The following FBXO15 variants were observed in gnomAD, a reference collection of about 807,000 sequenced individuals.
The protein encoded by FBXO15 is F-box only protein 15.
Under a neutral mutation model 49.5 loss-of-function variants are expected in FBXO15, and 30 were observed. That is an observed-to-expected ratio of 0.61 (90% CI 0.45 to 0.82). The LOEUF (loss-of-function observed/expected upper bound fraction) is 0.82, where lower values mean the gene tolerates loss of function less well. Ranked by LOEUF, FBXO15 falls within the 40% of genes least tolerant of loss-of-function variation. The probability of loss-of-function intolerance (pLI) is 0.00; values close to 1 mark genes in which losing one functional copy is unlikely to be tolerated. For synonymous variants in FBXO15, 250 were observed against 232.7 expected, an observed-to-expected ratio of 1.07 and a Z score of -0.68; for missense variants, 591 against 631.5, an observed-to-expected ratio of 0.94 and a Z score of 0.69.
intron 3 of FBXO15, 84 bp from the exon 4 acceptor site, chr18:74,130,742 T>G: frequency 2.1e-6 from 3 of 1,406,726 alleles, no homozygotes; most frequent in Non-Finnish European, 2.9e-6. Context: ...GATGCATATT[T>G]TCAAATAATC....
chr18:74,111,918 C>T (rs1455671777), intron 8 of FBXO15, among the ~76,000 whole-genome samples: 1 of 152,004 alleles, frequency 6.6e-6, no homozygotes, highest in African/African-American at 2.4e-5. Flanking sequence ...CAAAGCAATG[C>T]CCACACATTT....
chr18:74,109,983 T>TA (rs897225828), intron 8 of FBXO15, among the ~76,000 whole-genome samples: 5 of 150,448 alleles, frequency 3.3e-5, no homozygotes, highest in African/African-American at 9.8e-5. Context: ...TATAATAATT[T>TA]AAAAAAAAGG....
intron 6 of FBXO15, among the ~76,000 whole-genome samples, chr18:74,124,854 T>C (rs1244230813): frequency 6.6e-6 from 1 of 152,210 alleles, no homozygotes; most frequent in Non-Finnish European, 1.5e-5. Flanking sequence ...AAAAGATATA[T>C]ATGATAGTTG....
intron 8 of FBXO15, among the ~76,000 whole-genome samples, chr18:74,086,401 GTC>G (rs1912738707): frequency 6.6e-6 from 1 of 152,134 alleles, no homozygotes; most frequent in Admixed American, 6.5e-5. Flanking sequence ...TTTCTATTGT[GTC>G]TTACAGAGTA....
chr18:74,124,290 C>T (rs1355180527), intron 7 of FBXO15, among the ~76,000 whole-genome samples, 199 bp downstream of exon 7: 5 of 152,180 alleles, frequency 3.3e-5, no homozygotes, highest in Admixed American at 3.3e-4. Context: ...AATTCCTTGA[C>T]CCAGAATAAA....
rs1385642718 is a variant in FBXO15 at position 74,075,945 on chromosome 18, T to C, written c.1264-2215A>G. Among the ~76,000 whole-genome samples the C allele has an allele frequency of 3.3e-5, 5 of 152,246 alleles. No individual in the cohort carries two copies. The highest frequency in any genetic ancestry group is 1.2e-4 in the African/African-American group (5 of 41,460). ...TTATCTCCAGGCCGAACTTCTTTTCTAAGTTCAAGACCTAAATATTCAAGT... is the reference window on the plus strand; with the variant it reads ...TTATCTCCAGGCCGAACTTCTTTTCCAAGTTCAAGACCTAAATATTCAAGT... On this transcript the variant is annotated intron_variant, in intron 9 of 9. Coordinates refer to ENST00000419743, the MANE Select transcript of FBXO15 (RefSeq NM_001142958.2). The surrounding 1 kb of genome is among the most constrained non-coding windows in gnomAD (Gnocchi z 4.1).
chr18:74,117,774 G>A (rs1044348150), intron 8 of FBXO15, among the ~76,000 whole-genome samples: 5 of 152,020 alleles, frequency 3.3e-5, no homozygotes, highest in African/African-American at 7.2e-5. Context: ...TATTATTATC[G>A]TATTCATCAT....
chr18:74,100,814 T>C (rs546495730), intron 8 of FBXO15, among the ~76,000 whole-genome samples: 208 of 152,242 alleles, frequency 1.4e-3, no homozygotes, highest in African/African-American at 4.9e-3. Flanking sequence ...CTAGGTGAGA[T>C]GGATAAATTC....
intron 3 of FBXO15, among the ~76,000 whole-genome samples, chr18:74,131,834 C>T (rs1457438592): frequency 6.6e-6 from 1 of 152,230 alleles, no homozygotes; most frequent in Non-Finnish European, 1.5e-5. Context: ...AAAAGCGATT[C>T]CCCCACAGAG....
intron 1 of FBXO15, among the ~76,000 whole-genome samples, chr18:74,141,332 G>T (rs1979062913): frequency 1.3e-5 from 2 of 152,168 alleles, no homozygotes; most frequent in South Asian, 4.1e-4. Flanking sequence ...ATTTCTCTAG[G>T]AAAGGTTTGG....
At chr18:74,097,912 G>T (rs1483990403) in intron 8 of FBXO15, 1 of 152,354 alleles carries the variant, frequency 6.6e-6, no homozygotes, top group Admixed American at 6.5e-5. Flanking sequence ...ATGGCTGAGA[G>T]ACCTGCAGAC....
rs761713454 is a variant in FBXO15 at position 74,129,595 on chromosome 18, C to T, written c.595G>A (p.Ala199Thr). 10 of 1,611,158 alleles carry T rather than the reference C, an allele frequency of 6.2e-6. No individual in the cohort carries two copies. The highest frequency in any genetic ancestry group is 2.1e-4 in the Middle Eastern group (1 of 4,852). Reference sequence around the variant, plus strand: ...CCACCTTTTTCTTTCAGTATAATTGCCCAACCTAAACCAAATATTCTGGAG... The same window carrying T: ...CCACCTTTTTCTTTCAGTATAATTGTCCAACCTAAACCAAATATTCTGGAG... Reference protein sequence around the residue: ...EALRIFGLGWAIILKEKGGKE... With the variant: ...EALRIFGLGWTIILKEKGGKE... Residue 199 changes from alanine to threonine, a missense_variant, in exon 5 of 10, where the codon GCA (alanine) becomes ACA (threonine). Coordinates refer to ENST00000419743, the MANE Select transcript of FBXO15 (RefSeq NM_001142958.2).
chr18:74,117,044 G>C (rs947908376), intron 8 of FBXO15, among the ~76,000 whole-genome samples: 1 of 152,040 alleles, frequency 6.6e-6, no homozygotes, highest in Non-Finnish European at 1.5e-5. Flanking sequence ...CAAACGCAAT[G>C]ACATAGCTGA....
intron 6 of FBXO15, among the ~76,000 whole-genome samples, chr18:74,125,572 G>A (rs1182061480): frequency 5.9e-5 from 9 of 152,210 alleles, no homozygotes; most frequent in Admixed American, 3.9e-4. Flanking sequence ...AACAGGCTTG[G>A]GAGACAAGCG....
At chr18:74,145,894 G>A (rs62097053) in intron 1 of FBXO15, among the ~76,000 whole-genome samples, 3 of 152,082 alleles carry the variant, frequency 2.0e-5, no homozygotes, top group African/African-American at 2.4e-5. Context: ...CACTGCACCC[G>A]GCCCCAATTG....
At chr18:74,142,257 T>C (rs1979126298) in intron 1 of FBXO15, among the ~76,000 whole-genome samples, 1 of 151,736 alleles carries the variant, frequency 6.6e-6, no homozygotes, top group Admixed American at 6.6e-5. Context: ...CTCTCCTCCT[T>C]TAATCAGATA....
chr18:74,138,935 C>T (rs1332133793), intron 2 of FBXO15, among the ~76,000 whole-genome samples: 1 of 152,148 alleles, frequency 6.6e-6, no homozygotes, highest in Non-Finnish European at 1.5e-5. Context: ...GAGAGGTAAA[C>T]AAATAAACAA....
intron 1 of FBXO15, among the ~76,000 whole-genome samples, chr18:74,142,230 G>C (rs545538055): frequency 6.6e-6 from 1 of 152,290 alleles, no homozygotes; most frequent in African/African-American, 2.4e-5. Flanking sequence ...TGCTAATTGG[G>C]ACATTTTTGC....
At chr18:74,085,873 C>A (rs933309261) in intron 8 of FBXO15, among the ~76,000 whole-genome samples, 10 of 152,008 alleles carry the variant, frequency 6.6e-5, no homozygotes, top group Non-Finnish European at 1.0e-4. Context: ...TCTTTATAAC[C>A]TGGGATAGAA....
Sources: allele counts gnomAD v4.1 joint callset (sites outside exome capture counted in the v4.1 genomes callset), GRCh38; gene constraint gnomAD v4.1.1; non-coding constraint Gnocchi (gnomAD v3.1); transcripts MANE v1.5; gene names NCBI Gene and HGNC (gene_info 2026-07-23, HGNC 2026-07-21).